The following SIPA1L2 variants were observed in gnomAD, a reference collection of about 807,000 sequenced individuals.
SIPA1L2 encodes signal induced proliferation associated 1 like 2.
A neutral mutation model predicts 163.9 loss-of-function variants in SIPA1L2; 56 were observed. That is an observed-to-expected ratio of 0.34 (90% confidence interval 0.28 to 0.43). The LOEUF (loss-of-function observed/expected upper bound fraction) is 0.43. Among genes scored for constraint, SIPA1L2 ranks in the 20% least tolerant of loss-of-function variants. SIPA1L2 has a pLI of 1.00. For missense variants in SIPA1L2, 1,974 were observed against 2,193.5 expected (o/e 0.90, Z 2.00); for synonymous variants, 877 against 865.7 (o/e 1.01, Z -0.23).
intron 6 of SIPA1L2, 91 bp from the exon 7 acceptor site, chr1:232,479,821 AC>A: frequency 9.1e-7 from 1 of 1,098,122 alleles, no homozygotes; most frequent in Non-Finnish European, 1.4e-6. Context: ...AAAACAAAAA[AC>A]AAAAAACACC....
At position 232,449,864 on chromosome 1, in the gene SIPA1L2, A is replaced by G. The variant is rs529961994; in HGVS notation, c.3096-4078T>C. The stretch of plus-strand genomic sequence containing the variant: ...TAGTTCCATTCTTCTCAACAACAAT[A>G]CTAGAAGGTACAAAATATAACAAAG... On this transcript the variant is annotated intron_variant, in intron 10 of 22. Coordinates refer to ENST00000674635, the MANE Select transcript of SIPA1L2 (RefSeq NM_020808.5). Among the ~76,000 whole-genome samples, 6 of 152,332 alleles carry G rather than the reference A, an allele frequency of 3.9e-5. No homozygotes were observed. The East Asian group carries it at 1.2e-3, about 29-fold the overall frequency.
intron 19 of SIPA1L2, among the ~76,000 whole-genome samples, chr1:232,415,127 A>C (rs1203094815): frequency 1.3e-5 from 2 of 152,170 alleles, no homozygotes; most frequent in Admixed American, 6.5e-5. Context: ...CCGCCTCCTA[A>C]ATGTGTCCCC....
At chr1:232,422,520 C>A (rs1661632469) in intron 18 of SIPA1L2, among the ~76,000 whole-genome samples, 1 of 152,194 alleles carries the variant, frequency 6.6e-6, no homozygotes, top group African/African-American at 2.4e-5. Flanking sequence ...GTTACTGGTG[C>A]TTTGCCCTGC....
intron 10 of SIPA1L2, 63 bp downstream of exon 10, chr1:232,460,824 G>C (rs1664193752): frequency 1.9e-6 from 3 of 1,564,716 alleles, no homozygotes; most frequent in Admixed American, 3.5e-5. Flanking sequence ...GGAGCACTGA[G>C]GACAGCCACC....
intron 3 of SIPA1L2, among the ~76,000 whole-genome samples, chr1:232,500,166 C>T (rs781282291): frequency 1.5e-4 from 23 of 152,182 alleles, no homozygotes; most frequent in Non-Finnish European, 2.9e-4. Context: ...ACATTCCTTT[C>T]AAAATATTAC....
intron 7 of SIPA1L2, among the ~76,000 whole-genome samples, chr1:232,477,172 T>C (rs1665091304): frequency 6.6e-6 from 1 of 152,182 alleles, no homozygotes; most frequent in Non-Finnish European, 1.5e-5. Context: ...CAAAAAATAA[T>C]TTTCTGAAAT....
At chr1:232,571,294 T>C (rs1573101605) in intron 2 of SIPA1L2, among the ~76,000 whole-genome samples, 1 of 152,200 alleles carries the variant, frequency 6.6e-6, no homozygotes, top group East Asian at 1.9e-4. Context: ...AGAAGATGTC[T>C]ACAATATATT....
chr1:232,604,016 GC>G (rs1217116545), intron 1 of SIPA1L2, among the ~76,000 whole-genome samples: 1 of 152,072 alleles, frequency 6.6e-6, no homozygotes, highest in Non-Finnish European at 1.5e-5. Context: ...TTTAAGACCT[GC>G]TGAATGGCAT....
intron 1 of SIPA1L2, among the ~76,000 whole-genome samples, chr1:232,623,835 G>A (rs988047691): frequency 5.3e-5 from 8 of 151,712 alleles, no homozygotes; most frequent in East Asian, 2.0e-4. Context: ...TTTGTCTTCC[G>A]CTTGCCTCAC....
At chr1:232,466,833 G>A (rs1664545199) in intron 8 of SIPA1L2, among the ~76,000 whole-genome samples, 1 of 152,020 alleles carries the variant, frequency 6.6e-6, no homozygotes, top group Admixed American at 6.6e-5. Flanking sequence ...ACAAAGGAAA[G>A]ATTAAGACGA....
intron 18 of SIPA1L2, among the ~76,000 whole-genome samples, chr1:232,422,503 A>G (rs956045482): frequency 3.9e-5 from 6 of 152,248 alleles, no homozygotes; most frequent in African/African-American, 1.4e-4. Flanking sequence ...CTGGGAAGAG[A>G]TGGGCAGTTA....
chr1:232,587,991 C>T lies in SIPA1L2; in HGVS notation c.-318-13769G>A, dbSNP rs958260651. 1.1e-4 allele frequency among the ~76,000 whole-genome samples: 16 copies of T among 152,300 alleles called. No homozygotes were observed. The East Asian group carries it at 2.9e-3, about 28-fold the overall frequency. On this transcript the variant is annotated intron_variant, in intron 1 of 22. Transcript: ENST00000674635. ...ATGTGGTACTGTGGGTCCATTAAACCTCTTTCTTTTGTAAACTGCCCAGTC... is the reference window on the plus strand; with the variant it reads ...ATGTGGTACTGTGGGTCCATTAAACTTCTTTCTTTTGTAAACTGCCCAGTC...
In SIPA1L2 at chr1:232,493,639, A is replaced by G; in HGVS notation, c.1505T>C (p.Ile502Thr). ...YGKEHQNYFG[I>T]DENLGPVAVS... is the part of the protein sequence containing the mutation. ...TGCTACTGGACCAAGGTTTTCATCT[A>G]TTCCAAAGTAGTTTTGGTGCTCTAT... is the stretch of plus-strand genomic sequence containing the variant. Residue 502 changes from isoleucine (I) to threonine (T), a missense_variant, in exon 4 of 23, where the codon ATA (isoleucine) becomes ACA (threonine). Around this residue, in one of 3 missense-constraint regions of SIPA1L2, gnomAD observed 288 missense variants for 418.9 expected, o/e 0.69. Coordinates refer to ENST00000674635, the MANE Select transcript of SIPA1L2 (RefSeq NM_020808.5). The G allele has an allele frequency of 6.2e-7, 1 of 1,614,088 alleles. No homozygotes were observed.
chr1:232,546,908 G>T (rs909677438), intron 2 of SIPA1L2, among the ~76,000 whole-genome samples: 1 of 152,218 alleles, frequency 6.6e-6, no homozygotes, highest in African/African-American at 2.4e-5. Flanking sequence ...TGAGGAGGAG[G>T]TCTGCCAGGT....
chr1:232,435,592 C>T (rs1662512553), intron 15 of SIPA1L2, among the ~76,000 whole-genome samples: 1 of 152,130 alleles, frequency 6.6e-6, no homozygotes, highest in South Asian at 2.1e-4. Context: ...AGCCCAACGT[C>T]GTGTGTGCCA....
At chr1:232,597,592 A>T (rs1244385273) in intron 1 of SIPA1L2, among the ~76,000 whole-genome samples, 2 of 146,428 alleles carry the variant, frequency 1.4e-5, no homozygotes, top group Non-Finnish European at 3.0e-5. Context: ...CAGGAGGCTG[A>T]GGCAGGAGAA....
At chr1:232,516,255 ATCT>A (rs1435025361) in intron 2 of SIPA1L2, among the ~76,000 whole-genome samples, 1 of 152,234 alleles carries the variant, frequency 6.6e-6, no homozygotes. Context: ...GTGGGAAGAG[ATCT>A]TCAAGGATCT....
At chr1:232,599,070 AT>A (rs1310609709) in intron 1 of SIPA1L2, among the ~76,000 whole-genome samples, 3 of 152,216 alleles carry the variant, frequency 2.0e-5, no homozygotes, top group Non-Finnish European at 4.4e-5. Flanking sequence ...ATAACCCCAA[AT>A]CCATTCGATT....
intron 19 of SIPA1L2, among the ~76,000 whole-genome samples, chr1:232,414,139 T>C (rs1661113079): frequency 6.6e-6 from 1 of 152,150 alleles, no homozygotes; most frequent in Non-Finnish European, 1.5e-5. Flanking sequence ...CTGAAATTTC[T>C]ACAAGGACTG....
Sources: allele counts gnomAD v4.1 joint callset (sites outside exome capture counted in the v4.1 genomes callset), GRCh38; gene constraint gnomAD v4.1.1; regional missense constraint gnomAD v4.1.1; transcripts MANE v1.5; gene names NCBI Gene and HGNC (gene_info 2026-07-23, HGNC 2026-07-21).